PTPRT: variants seen among roughly 807,000 people sequenced by gnomAD.
PTPRT encodes the protein protein tyrosine phosphatase receptor type T, also known as receptor-type tyrosine-protein phosphatase T.
A neutral mutation model predicts 176.8 loss-of-function variants in PTPRT; 56 were observed. The ratio of observed to expected loss-of-function variants is 0.32; its 90% CI spans 0.26 to 0.40. The LOEUF (loss-of-function observed/expected upper bound fraction) is 0.40, where lower values mean the gene tolerates loss of function less well. Ranked by LOEUF, PTPRT falls within the 10% of genes least tolerant of loss-of-function variation. The probability of loss-of-function intolerance (pLI) is 1.00; values close to 1 mark genes in which losing one functional copy is unlikely to be tolerated. For synonymous variants in PTPRT, 783 were observed against 739.0 expected (o/e 1.06, Z -0.96); for missense variants, 1,540 against 1,908.2 (o/e 0.81, Z 3.60).
At chr20:42,415,009 C>T (rs1048396199) in intron 9 of PTPRT, among the ~76,000 whole-genome samples, 3 of 152,130 alleles carry the variant, frequency 2.0e-5, no homozygotes, top group East Asian at 1.9e-4. Context: ...GTATGGTAAT[C>T]GTGCAGAACA....
At chr20:43,174,430 T>C (rs1229736032) in intron 1 of PTPRT, among the ~76,000 whole-genome samples, 1 of 152,254 alleles carries the variant, frequency 6.6e-6, no homozygotes. Flanking sequence ...TGCTTCCTAT[T>C]TGGTAGTCAT....
At chr20:42,189,801 T>C (rs1411525752) in intron 16 of PTPRT, among the ~76,000 whole-genome samples, 3 of 152,232 alleles carry the variant, frequency 2.0e-5, no homozygotes, top group Non-Finnish European at 2.9e-5. Flanking sequence ...ATTTTTAAGA[T>C]GAGAAGTTTG....
intron 1 of PTPRT, among the ~76,000 whole-genome samples, chr20:43,033,123 C>T (rs146567684): frequency 2.0e-4 from 30 of 152,270 alleles, no homozygotes; most frequent in African/African-American, 5.8e-4. Flanking sequence ...ACATCTTTTA[C>T]GTTGTATCCA....
intron 9 of PTPRT, among the ~76,000 whole-genome samples, chr20:42,390,327 AAATT>A (rs1317557123): frequency 2.6e-5 from 4 of 152,222 alleles, no homozygotes; most frequent in Non-Finnish European, 5.9e-5. Context: ...TGAAAAATAT[AAATT>A]GATTGATTAA....
In PTPRT at chr20:42,553,602, T is replaced by C. The variant is rs866851830; in HGVS notation, c.1154-81040A>G. On this transcript the variant is annotated intron_variant, in intron 7 of 30. Transcript: ENST00000373187. ...TCTCTTGCACTTTCATTTTCTTTCT[T>C]ACACATACTTTTACTTGACCTCTCT... Among the ~76,000 whole-genome samples the C allele has an allele frequency of 5.9e-5, 9 of 152,144 alleles. No individual in the cohort carries two copies. The South Asian group carries it at 8.3e-4, about 14-fold the overall frequency.
chr20:43,092,514 A>G (rs574314631), intron 1 of PTPRT, among the ~76,000 whole-genome samples: 12 of 152,364 alleles, frequency 7.9e-5, no homozygotes, highest in African/African-American at 2.9e-4. Context: ...CTATGTAGAC[A>G]TTAGCACTGC....
rs538381385 is a variant in PTPRT, at chr20:42,276,349, C to T, written c.2176+6140G>A. Among the ~76,000 whole-genome samples the T allele has an allele frequency of 1.1e-4, 17 of 150,404 alleles. No individual in the cohort carries two copies. The South Asian group carries it at 1.5e-3, about 13-fold the overall frequency. On this transcript the variant is annotated intron_variant, in intron 13 of 30. Coordinates refer to ENST00000373187, the MANE Select transcript of PTPRT (RefSeq NM_007050.6). The stretch of plus-strand genomic sequence containing the variant: ...ATCTAACCTGTATCCATTTGACAAA[C>T]GGCTGATTTGTAGAACTGTACAAGC...
At chr20:42,614,982 T>A (rs535774738) in intron 7 of PTPRT, among the ~76,000 whole-genome samples, 2 of 147,358 alleles carry the variant, frequency 1.4e-5, no homozygotes, top group African/African-American at 2.5e-5. Flanking sequence ...CATGTGCACA[T>A]TGTGCAGGTT....
intron 19 of PTPRT, 21 bp from the exon 20 acceptor site, chr20:42,119,992 A>C: frequency 1.2e-6 from 2 of 1,602,690 alleles, no homozygotes; most frequent in Non-Finnish European, 8.5e-7. Context: ...GGAGAAAAGC[A>C]CTGTGAAGAG....
chr20:42,379,608 G>A (rs2058681127), intron 9 of PTPRT, among the ~76,000 whole-genome samples: 1 of 152,214 alleles, frequency 6.6e-6, no homozygotes, highest in African/African-American at 2.4e-5. Context: ...TCCTACAAAG[G>A]AGTTATATGC....
chr20:43,103,743 G>C (rs957300838), intron 1 of PTPRT, among the ~76,000 whole-genome samples: 1 of 97,190 alleles, frequency 1.0e-5, no homozygotes, highest in Non-Finnish European at 2.2e-5. Flanking sequence ...ATGGAGAGGG[G>C]AGATCAGTAA....
chr20:42,498,227 C>A (rs562710755), intron 7 of PTPRT, among the ~76,000 whole-genome samples: 1 of 152,252 alleles, frequency 6.6e-6, no homozygotes, highest in South Asian at 2.1e-4. Flanking sequence ...CTAAGCCCCC[C>A]AGTCAACTGA....
At chr20:42,870,525 G>A (rs1021375393) in intron 2 of PTPRT, among the ~76,000 whole-genome samples, 7 of 152,324 alleles carry the variant, frequency 4.6e-5, no homozygotes, top group Middle Eastern at 3.4e-3. Flanking sequence ...ACTGTCACGT[G>A]CAGCATAATG....
At chr20:42,294,479 C>G (rs1410307217) in intron 12 of PTPRT, among the ~76,000 whole-genome samples, 3 of 152,046 alleles carry the variant, frequency 2.0e-5, no homozygotes, top group Non-Finnish European at 4.4e-5. Flanking sequence ...TACACCCATT[C>G]CCTATGACAT....
At chr20:42,645,587 A>G (rs1569050460) in intron 7 of PTPRT, among the ~76,000 whole-genome samples, 2 of 152,126 alleles carry the variant, frequency 1.3e-5, no homozygotes, top group African/African-American at 2.4e-5. Flanking sequence ...TGGGTTTCCT[A>G]TGAAGAAGGA....
intron 9 of PTPRT, among the ~76,000 whole-genome samples, chr20:42,388,166 T>C (rs975613327): frequency 1.3e-5 from 2 of 152,172 alleles, no homozygotes; most frequent in African/African-American, 2.4e-5. Flanking sequence ...TTAATAGTGC[T>C]AAGGTTAAGA....
the PTPRT span, among the ~76,000 whole-genome samples, chr20:42,056,517 C>G: frequency 6.6e-6 from 1 of 152,202 alleles, no homozygotes; most frequent in East Asian, 1.9e-4. Context: ...CTTCTTTATG[C>G]ATATGCCAGT....
intron 6 of PTPRT, among the ~76,000 whole-genome samples, chr20:42,679,275 A>G (rs567558906): frequency 6.6e-6 from 1 of 151,696 alleles, no homozygotes; most frequent in South Asian, 2.1e-4. Flanking sequence ...TTGGGACAGC[A>G]TTATCACCTT....
rs1044780113 is a variant in PTPRT at position 42,341,466 on chromosome 20, T to TAAAAG, written c.1865+9157_1865+9161dup. Among the ~76,000 whole-genome samples the TAAAAG allele has an allele frequency of 2.6e-5, 4 of 152,304 alleles. No individual in the cohort carries two copies. The South Asian group carries it at 8.3e-4, about 32-fold the overall frequency. The stretch of plus-strand genomic sequence containing the variant: ...GATTCTTCCTTTGAATTTCTTGTTT[T>TAAAAG]AAAAGAAAAGAAAAGTCAAAATGAA... On this transcript the variant is annotated intron_variant, in intron 11 of 30. Coordinates refer to ENST00000373187, the MANE Select transcript of PTPRT (RefSeq NM_007050.6).
Sources: gnomAD v4.1 joint callset for allele counts (sites outside exome capture counted in the v4.1 genomes callset) on GRCh38, gnomAD v4.1.1 for gene constraint, MANE v1.5 for transcripts, NCBI Gene and HGNC (gene_info 2026-07-23, HGNC 2026-07-21) for gene names.